The following MAPK10 variants were observed in gnomAD, a reference collection of about 807,000 sequenced individuals.
MAPK10 encodes mitogen-activated protein kinase 10.
Under a neutral mutation model 59.3 loss-of-function variants are expected in MAPK10, and 25 were observed. That is an observed-to-expected ratio of 0.42 (90% CI 0.31 to 0.59). The LOEUF is 0.59. MAPK10 is among the 20% of genes least tolerant of loss of function. MAPK10 has a pLI of 0.15. For synonymous variants in MAPK10, 190 were observed against 200.5 expected (o/e 0.95, Z 0.44); for missense variants, 351 against 568.9 (o/e 0.62, Z 3.90).
intron 1 of MAPK10, among the ~76,000 whole-genome samples, chr4:86,372,359 T>C (rs923449210): frequency 2.0e-5 from 3 of 151,600 alleles, no homozygotes; most frequent in Non-Finnish European, 2.9e-5. Flanking sequence ...TTTACTAAAA[T>C]ACAAAAAATT....
In MAPK10 at chr4:86,017,903, A is replaced by G. The variant is rs1744169428; in HGVS notation, c.1253-533T>C. On this transcript the variant is annotated intron_variant, in intron 13 of 13. Transcript: ENST00000641462. This position sits in a 1 kb window ranked among gnomAD's most constrained non-coding sequence, Gnocchi z 4.4. ...ACACCCAGCTAATTTTTGTACTTTT[A>G]GTAGAGATGAGGTTTCAACATGTTG... 6.6e-6 allele frequency among the ~76,000 whole-genome samples: 1 copy of G among 152,072 alleles called. No individual in the cohort carries two copies. Among genetic ancestry groups the G allele is most frequent in the Admixed American group, 6.6e-5 (1 of 15,264 alleles).
intron 4 of MAPK10, among the ~76,000 whole-genome samples, chr4:86,141,254 A>G (rs905555281): frequency 6.6e-6 from 1 of 152,234 alleles, no homozygotes; most frequent in African/African-American, 2.4e-5. Context: ...GTATCTTACA[A>G]AAAATATTAA....
intron 1 of MAPK10, among the ~76,000 whole-genome samples, chr4:86,525,040 G>C (rs569205962): frequency 6.6e-6 from 1 of 151,316 alleles, no homozygotes; most frequent in African/African-American, 2.4e-5. Flanking sequence ...GCTCATGCCT[G>C]TAAACCCAGC....
chr4:86,218,329 C>T (rs751170804), intron 2 of MAPK10, among the ~76,000 whole-genome samples: 24 of 152,000 alleles, frequency 1.6e-4, no homozygotes, highest in Non-Finnish European at 3.1e-4. Flanking sequence ...TACAGGCGCC[C>T]GCCACCACGC....
chr4:86,221,500 C>G (rs779764911), intron 2 of MAPK10, among the ~76,000 whole-genome samples: 2 of 151,188 alleles, frequency 1.3e-5, no homozygotes, highest in Non-Finnish European at 2.9e-5. Flanking sequence ...TTTATAAAAA[C>G]AGGGTCTGGC....
At position 86,011,109 on chromosome 4, in the gene MAPK10, C is replaced by T. The variant is rs1358572531; in HGVS notation, c.*6119G>A. 6.6e-6 allele frequency: 1 copy of T among 152,206 alleles called. No individual in the cohort carries two copies. Among genetic ancestry groups the T allele is most frequent in the Non-Finnish European group, 1.5e-5 (1 of 68,030 alleles). The allele number at this position is 152,206 out of a possible 1,614,324, so 9.4% of individuals were successfully genotyped here. A position where few individuals can be genotyped will look rare whatever the true frequency, so the allele number is the denominator to read the frequency against. ...GTGTTTGACTTGTTGCTGGATGTGT[C>T]ACCACATTTCATGTGTCTGAGAAAT... On this transcript the variant is annotated 3_prime_UTR_variant, in exon 14 of 14. Transcript: ENST00000641462.
chr4:86,083,691 G>A (rs570934324), intron 9 of MAPK10, among the ~76,000 whole-genome samples: 1 of 152,094 alleles, frequency 6.6e-6, no homozygotes, highest in African/African-American at 2.4e-5. Context: ...GACTTTTGGG[G>A]CATGTGACCT....
chr4:86,031,020 G>GTAC (rs2038900595), intron 12 of MAPK10, among the ~76,000 whole-genome samples: 1 of 152,128 alleles, frequency 6.6e-6, no homozygotes, highest in Non-Finnish European at 1.5e-5. Flanking sequence ...TTCATATGAT[G>GTAC]ATTTTATGTA....
chr4:86,554,550 A>C (rs1172232390), intron 1 of MAPK10, among the ~76,000 whole-genome samples: 2 of 152,136 alleles, frequency 1.3e-5, no homozygotes, highest in African/African-American at 4.8e-5. Flanking sequence ...AAATTGTGTC[A>C]ATTTTATTTC....
At chr4:86,246,213 C>T (rs377290276) in intron 2 of MAPK10, among the ~76,000 whole-genome samples, 37 of 152,244 alleles carry the variant, frequency 2.4e-4, no homozygotes, top group African/African-American at 7.9e-4. Flanking sequence ...GGACAGATCA[C>T]GAGGTCAGGA....
chr4:86,105,858 G>A (rs906424581), intron 5 of MAPK10, among the ~76,000 whole-genome samples: 1 of 151,878 alleles, frequency 6.6e-6, no homozygotes, highest in Non-Finnish European at 1.5e-5. Context: ...TTTGCTGCTT[G>A]GCCTATTTAA....
chr4:86,030,839 T>C (rs2038865526), intron 12 of MAPK10, among the ~76,000 whole-genome samples: 2 of 152,248 alleles, frequency 1.3e-5, no homozygotes, highest in Non-Finnish European at 2.9e-5. Flanking sequence ...CTCATATTTA[T>C]TCTATTCTGT....
intron 2 of MAPK10, among the ~76,000 whole-genome samples, chr4:86,336,165 T>G (rs757333112): frequency 9.2e-5 from 14 of 152,312 alleles, no homozygotes; most frequent in Non-Finnish European, 1.9e-4. Flanking sequence ...GAACATGAAA[T>G]TACTCTATAA....
intron 1 of MAPK10, among the ~76,000 whole-genome samples, chr4:86,587,215 C>G (rs1762710388): frequency 6.6e-6 from 1 of 152,178 alleles, no homozygotes; most frequent in Non-Finnish European, 1.5e-5. Flanking sequence ...AAGATTTGTA[C>G]TTAGGTTTTC....
chr4:86,198,918 G>A (rs934741063), intron 2 of MAPK10, among the ~76,000 whole-genome samples: 2 of 151,588 alleles, frequency 1.3e-5, no homozygotes, highest in Non-Finnish European at 2.9e-5. Flanking sequence ...AAAAATTGAA[G>A]AATTTCATGA....
intron 3 of MAPK10, among the ~76,000 whole-genome samples, chr4:86,168,342 C>T (rs554096777): frequency 1.3e-4 from 20 of 152,308 alleles, no homozygotes; most frequent in Admixed American, 4.6e-4. Flanking sequence ...CCTGGAAAAT[C>T]GGGTCACTCC....
intron 1 of MAPK10, among the ~76,000 whole-genome samples, chr4:86,473,933 T>C (rs896517956): frequency 6.6e-6 from 1 of 152,110 alleles, no homozygotes; most frequent in African/African-American, 2.4e-5. Context: ...AAGGATAGCT[T>C]AAGGCCAGGA....
intron 1 of MAPK10, among the ~76,000 whole-genome samples, chr4:86,365,931 C>A (rs1737804876): frequency 6.6e-6 from 1 of 152,064 alleles, no homozygotes. Flanking sequence ...TATTTAGTAT[C>A]TTTTATATGC....
Position 86,264,888 on chromosome 4 carries a change from CTTTTT to C in MAPK10, c.-6-70486_-6-70482del, listed in dbSNP as rs397879051. Among the ~76,000 whole-genome samples, 681 of 95,272 alleles carry C rather than the reference CTTTTT, an allele frequency of 7.1e-3. 2 individuals carry two copies. The highest frequency in any genetic ancestry group is 0.024 in the African/African-American group (639 of 27,012). The allele number at this position is 95,272 out of a possible 152,430, so 62.5% of individuals were successfully genotyped here. On this transcript the variant is annotated intron_variant, in intron 2 of 13. Coordinates refer to ENST00000641462, the MANE Select transcript of MAPK10 (RefSeq NM_138982.4). The stretch of plus-strand genomic sequence containing the variant: ...TCTCTAGGTTTTTGATGGCCCTGGA[CTTTTT>C]TTTTTTTTTTTTTTTTTGTGGTGGG...
Sources: allele counts gnomAD v4.1 joint callset (sites outside exome capture counted in the v4.1 genomes callset), GRCh38; gene constraint gnomAD v4.1.1; non-coding constraint Gnocchi (gnomAD v3.1); transcripts MANE v1.5; gene names NCBI Gene and HGNC (gene_info 2026-07-23, HGNC 2026-07-21).